DEPDC5: variants seen among roughly 807,000 people sequenced by gnomAD.
DEPDC5 encodes DEP domain containing 5, GATOR1 subcomplex subunit.
DEPDC5 carries 73 observed loss-of-function variants against 217.3 expected under a neutral mutation model. The ratio of observed to expected loss-of-function variants is 0.34; its 90% CI spans 0.28 to 0.41. The LOEUF (loss-of-function observed/expected upper bound fraction) is 0.41. Ranked by LOEUF, DEPDC5 falls within the 10% of genes least tolerant of loss-of-function variation. DEPDC5 has a pLI of 1.00. For synonymous variants in DEPDC5, 733 were observed against 756.7 expected (o/e 0.97, Z 0.51); for missense variants, 1,675 against 2,070.1 (o/e 0.81, Z 3.70).
chr22:31,851,117 A>T (rs143394380), intron 31 of DEPDC5, among the ~76,000 whole-genome samples: 1 of 151,842 alleles, frequency 6.6e-6, no homozygotes, highest in Admixed American at 6.6e-5. Context: ...CAGGGTCCAC[A>T]TCTGCACCCA....
At chr22:31,789,165 G>A (rs965734004) in intron 10 of DEPDC5, among the ~76,000 whole-genome samples, 3 of 152,228 alleles carry the variant, frequency 2.0e-5, no homozygotes, top group African/African-American at 4.8e-5. Flanking sequence ...CCAAAGTGCC[G>A]GATTATGGGC....
intron 34 of DEPDC5, among the ~76,000 whole-genome samples, chr22:31,870,993 G>A (rs1002193814): frequency 6.6e-6 from 1 of 152,240 alleles, no homozygotes; most frequent in African/African-American, 2.4e-5. Context: ...CCACACAGGA[G>A]TACAGGGCTT....
At chr22:31,882,267 G>A (rs548186567) in intron 38 of DEPDC5, among the ~76,000 whole-genome samples, 1 of 152,172 alleles carries the variant, frequency 6.6e-6, no homozygotes, top group Non-Finnish European at 1.5e-5. Flanking sequence ...CATCTCTGCG[G>A]AACAAGGAAC....
At chr22:31,859,387 G>A (rs1204314025) in intron 32 of DEPDC5, among the ~76,000 whole-genome samples, 4 of 134,820 alleles carry the variant, frequency 3.0e-5, no homozygotes, top group Admixed American at 1.5e-4. Flanking sequence ...CACTGCGCCC[G>A]GCTTTTTTTT....
At chr22:31,849,014 C>T (rs1376139889) in intron 31 of DEPDC5, among the ~76,000 whole-genome samples, 1 of 152,190 alleles carries the variant, frequency 6.6e-6, no homozygotes, top group Non-Finnish European at 1.5e-5. Context: ...CCACTTCAGC[C>T]TAGACTTCAT....
intron 31 of DEPDC5, among the ~76,000 whole-genome samples, chr22:31,847,546 A>C (rs2091811431): frequency 6.6e-6 from 1 of 152,222 alleles, no homozygotes; most frequent in Admixed American, 6.5e-5. Flanking sequence ...ACATGGCAGC[A>C]GCAAAAAGTG....
At position 31,822,986 on chromosome 22, in the gene DEPDC5, A is replaced by G. The variant is rs1425664930; in HGVS notation, c.2104+196A>G. On this transcript the variant is annotated intron_variant, in intron 24 of 42. Coordinates refer to ENST00000651528, the MANE Select transcript of DEPDC5 (RefSeq NM_001242896.3). ...CTGCACGTTAACATTTTTAGCTCAG[A>G]ACATGTTGGTCAAGCCACATTTATC... 2.5e-5 allele frequency: 14 copies of G among 552,660 alleles called. No homozygotes were observed. In the East Asian group the frequency reaches 4.6e-4, roughly 18 times the overall value. 34.2% of individuals were successfully genotyped at this position (552,660 alleles called of 1,614,324 possible). A position where few individuals can be genotyped will look rare whatever the true frequency, so the allele number is the denominator to read the frequency against.
chr22:31,800,195 G>T (rs8141214), intron 14 of DEPDC5, among the ~76,000 whole-genome samples: 49,430 of 151,890 alleles, frequency 0.33, 9,161 homozygotes, highest in African/African-American at 0.52. Flanking sequence ...GTCTGTTGGA[G>T]AAACATTATT....
intron 14 of DEPDC5, among the ~76,000 whole-genome samples, chr22:31,801,541 C>T (rs2086868937): frequency 6.6e-6 from 1 of 152,308 alleles, no homozygotes; most frequent in Non-Finnish European, 1.5e-5. Flanking sequence ...GCGAAATTTA[C>T]TGTAAGGATA....
chr22:31,822,415 A>C lies in DEPDC5; in HGVS notation c.2007-278A>C, dbSNP rs77988090. Among the ~76,000 whole-genome samples, 3,451 of 150,778 alleles carry C rather than the reference A, an allele frequency of 0.023. 119 individuals are homozygous for C. The highest frequency in any genetic ancestry group is 0.075 in the African/African-American group (3,024 of 40,416). ...TAAAAGGGAGGCATAGGGCATAGGG[A>C]GGCATAGGGAGGCATAGGGCAGACA... On this transcript the variant is annotated intron_variant, in intron 23 of 42. Coordinates refer to ENST00000651528, the MANE Select transcript of DEPDC5 (RefSeq NM_001242896.3).
chr22:31,847,747 A>G (rs187578159), intron 31 of DEPDC5, among the ~76,000 whole-genome samples: 406 of 152,300 alleles, frequency 2.7e-3, no homozygotes, highest in Non-Finnish European at 4.4e-3. Flanking sequence ...GCCAAACCAT[A>G]TCATTTCACC....
chr22:31,862,637 T>C (rs2092556301), intron 33 of DEPDC5, among the ~76,000 whole-genome samples: 1 of 152,230 alleles, frequency 6.6e-6, no homozygotes, highest in Admixed American at 6.5e-5. Flanking sequence ...TTAGTGGGCA[T>C]ATAGCTAGTG....
intron 39 of DEPDC5, 155 bp downstream of exon 39, chr22:31,893,906 A>G: frequency 1.1e-6 from 1 of 906,104 alleles, no homozygotes; most frequent in South Asian, 2.5e-5. Context: ...AAATTTAAAC[A>G]TAGTAAAAAT....
chr22:31,864,532 A>G (rs896814646), intron 33 of DEPDC5, among the ~76,000 whole-genome samples: 2 of 142,940 alleles, frequency 1.4e-5, no homozygotes, highest in African/African-American at 5.2e-5. Flanking sequence ...ATATTTATAT[A>G]TTTATTTATT....
chr22:31,843,263 A>C (rs1479942500), intron 28 of DEPDC5, 51 bp downstream of exon 28: 1 of 1,550,966 alleles, frequency 6.4e-7, no homozygotes, highest in Non-Finnish European at 8.9e-7. Context: ...AATTATGGCC[A>C]CATACTAAAT....
intron 3 of DEPDC5, 85 bp from the exon 4 acceptor site, chr22:31,760,571 A>T (rs917210383): frequency 2.6e-6 from 3 of 1,167,034 alleles, no homozygotes; most frequent in Non-Finnish European, 3.8e-6. Flanking sequence ...GGCCAGAGTG[A>T]CCTATTTGCC....
intron 16 of DEPDC5, 42 bp downstream of exon 16, chr22:31,804,265 T>C: frequency 6.2e-7 from 1 of 1,601,312 alleles, no homozygotes. Flanking sequence ...CCAGTTGGAG[T>C]ATAGTTAGAA....
intron 25 of DEPDC5, among the ~76,000 whole-genome samples, chr22:31,835,189 GGTTAAT>G (rs1171644997): frequency 6.6e-6 from 1 of 152,054 alleles, no homozygotes; most frequent in African/African-American, 2.4e-5. Flanking sequence ...TTTTTCTTTT[GGTTAAT>G]GTCTTTGGAT....
chr22:31,856,844 A>C (rs535245618), intron 31 of DEPDC5, among the ~76,000 whole-genome samples: 1 of 152,244 alleles, frequency 6.6e-6, no homozygotes, highest in African/African-American at 2.4e-5. Context: ...ATCTCAGCTC[A>C]CTGCGACCTC....
Sources: gnomAD v4.1 joint callset for allele counts (sites outside exome capture counted in the v4.1 genomes callset) on GRCh38, gnomAD v4.1.1 for gene constraint, MANE v1.5 for transcripts, NCBI Gene and HGNC (gene_info 2026-07-23, HGNC 2026-07-21) for gene names.